IRAG1: variants seen among roughly 807,000 people sequenced by gnomAD.
The protein encoded by IRAG1 is inositol 1,4,5-triphosphate receptor associated 1.
A neutral mutation model predicts 106.2 loss-of-function variants in IRAG1; 62 were observed. The observed-to-expected ratio is 0.58, with a 90% CI of 0.48 to 0.72. IRAG1 has a LOEUF of 0.72. IRAG1 is among the 30% of genes least tolerant of loss of function. The pLI is 0.00. For synonymous variants in IRAG1, 462 were observed against 443.9 expected, an observed-to-expected ratio of 1.04 and a Z score of -0.51; for missense variants, 1,064 against 1,140.7, an observed-to-expected ratio of 0.93 and a Z score of 0.97.
intron 18 of IRAG1, among the ~76,000 whole-genome samples, chr11:10,585,568 T>C (rs915134067): frequency 6.6e-6 from 1 of 152,078 alleles, no homozygotes; most frequent in Admixed American, 6.5e-5. Context: ...TTAAATGAGA[T>C]GTTAGAACAG....
At chr11:10,680,372 G>GAAAGAAAGAAAGAAAGAAA (rs1564942533) in intron 1 of IRAG1, among the ~76,000 whole-genome samples, 360 of 41,118 alleles carry the variant, frequency 8.8e-3, no homozygotes, top group Non-Finnish European at 8.4e-3. Context: ...AAAGAAAGAA[G>GAAAGAAAGAAAGAAAGAAA]GAAGGAAGGA....
chr11:10,675,357 C>T (rs144508094), intron 1 of IRAG1, among the ~76,000 whole-genome samples: 1 of 152,198 alleles, frequency 6.6e-6, no homozygotes, highest in African/African-American at 2.4e-5. Flanking sequence ...CTGTGTGTCA[C>T]GTGCACTGCC....
At chr11:10,594,315 G>A (rs1288146676) in intron 15 of IRAG1, 120 bp from the exon 16 acceptor site, 2 of 891,378 alleles carry the variant, frequency 2.2e-6, no homozygotes, top group Non-Finnish European at 3.5e-6. Context: ...GATAGCCCAA[G>A]GGTCTGGGTG....
At chr11:10,687,694 G>T in intron 1 of IRAG1, 1 of 1,288,290 alleles carries the variant, frequency 7.8e-7, no homozygotes, top group African/African-American at 1.5e-5. Flanking sequence ...TCTCCTTGCG[G>T]TGTTTTTGGA....
At chr11:10,620,467 C>T (rs549349280) in intron 10 of IRAG1, among the ~76,000 whole-genome samples, 73 of 152,174 alleles carry the variant, frequency 4.8e-4, no homozygotes, top group African/African-American at 1.7e-3. Flanking sequence ...CAACGAAAAA[C>T]CCCAGACCTA....
intron 15 of IRAG1, chr11:10,599,672 G>A (rs1403670847): frequency 1.3e-5 from 2 of 152,156 alleles, no homozygotes; most frequent in African/African-American, 2.4e-5. Flanking sequence ...TTGGTAACAC[G>A]GATGTTTGCA....
intron 15 of IRAG1, among the ~76,000 whole-genome samples, 195 bp from the exon 16 acceptor site, chr11:10,594,390 G>C (rs1853037291): frequency 6.6e-6 from 1 of 152,056 alleles, no homozygotes; most frequent in South Asian, 2.1e-4. Context: ...GCTTTTTTTG[G>C]ACAAAACCTT....
chr11:10,629,587 C>A lies in IRAG1; in HGVS notation c.525G>T (p.Leu175=), dbSNP rs112262864. 19 of 1,613,954 alleles carry A rather than the reference C, an allele frequency of 1.2e-5. No individual in the cohort carries two copies. Among genetic ancestry groups the A allele is most frequent in the Non-Finnish European group, 1.6e-5 (19 of 1,179,848 alleles). The part of the protein sequence containing the change: ...EEAKLVSERF[L]TRRGRKSRSS... ...TCCTGGACTTCCTCCCACGGCGGGT[C>A]AGGAATCGCTCACTCACCAACTTGG... Residue 175 remains leucine (L), a synonymous_variant, in exon 5 of 21, where the codon CTG becomes CTT. Coordinates refer to ENST00000423302, the MANE Select transcript of IRAG1 (RefSeq NM_130385.4).
At chr11:10,656,730 A>C (rs546693693) in intron 1 of IRAG1, among the ~76,000 whole-genome samples, 1 of 152,340 alleles carries the variant, frequency 6.6e-6, no homozygotes, top group East Asian at 1.9e-4. Context: ...CAACCTGCTC[A>C]AGATCACACA....
At chr11:10,634,877 A>G (rs780026108) in intron 2 of IRAG1, among the ~76,000 whole-genome samples, 2 of 151,846 alleles carry the variant, frequency 1.3e-5, no homozygotes, top group African/African-American at 4.8e-5. Flanking sequence ...TACCTTGTCT[A>G]TTGTGAATAG....
chr11:10,600,246 G>A (rs17319974), intron 15 of IRAG1, among the ~76,000 whole-genome samples: 3,288 of 152,218 alleles, frequency 0.022, 53 homozygotes, highest in Non-Finnish European at 0.034. Flanking sequence ...ATAGCAATTC[G>A]TATAGAACTT....
intron 1 of IRAG1, among the ~76,000 whole-genome samples, chr11:10,666,270 C>A (rs1390340686): frequency 6.6e-6 from 1 of 152,166 alleles, no homozygotes; most frequent in Admixed American, 6.5e-5. Flanking sequence ...TTACAACAGC[C>A]CTGCATGGTA....
intron 10 of IRAG1, among the ~76,000 whole-genome samples, chr11:10,617,493 A>G (rs1290668290): frequency 2.0e-5 from 3 of 152,214 alleles, no homozygotes; most frequent in Non-Finnish European, 4.4e-5. Flanking sequence ...TTGGTTTCTG[A>G]AAGTACAAAG....
At chr11:10,625,873 G>A in intron 9 of IRAG1, 93 bp downstream of exon 9, 1 of 1,253,240 alleles carries the variant, frequency 8.0e-7, no homozygotes, top group East Asian at 3.0e-5. Context: ...GGCCAGAGCT[G>A]CCCTGGCCAG....
intron 2 of IRAG1, among the ~76,000 whole-genome samples, chr11:10,637,573 G>A (rs1256738934): frequency 1.3e-5 from 2 of 152,112 alleles, no homozygotes; most frequent in African/African-American, 2.4e-5. Context: ...AAGAAATGAC[G>A]AATGTGTATG....
chr11:10,676,366 T>C (rs1433156143), intron 1 of IRAG1, among the ~76,000 whole-genome samples: 1 of 152,186 alleles, frequency 6.6e-6, no homozygotes, highest in Non-Finnish European at 1.5e-5. Flanking sequence ...GCCCATGCGG[T>C]CCCCAGTCCC....
chr11:10,684,501 A>C (rs1025668846), intron 1 of IRAG1, among the ~76,000 whole-genome samples: 2 of 151,830 alleles, frequency 1.3e-5, no homozygotes, highest in Admixed American at 6.6e-5. Context: ...AGATATACCT[A>C]ATGCTAAATG....
chr11:10,689,466 A>G lies in IRAG1; in HGVS notation c.67+4070T>C, dbSNP rs561096995. Among the ~76,000 whole-genome samples, 97 of 152,360 alleles carry G rather than the reference A, an allele frequency of 6.4e-4. 1 individual carries two copies. In the South Asian group the frequency reaches 0.019, roughly 30 times the overall value. ...GTGTTTAAGGCTGGGTCAGTATCCC[A>G]CATACGATCATCTTGCAGAACAAGC... On this transcript the variant is annotated intron_variant, in intron 1 of 20. Transcript: ENST00000423302.
chr11:10,685,701 G>A (rs1861615637), intron 1 of IRAG1, among the ~76,000 whole-genome samples: 1 of 148,350 alleles, frequency 6.7e-6, no homozygotes, highest in Non-Finnish European at 1.5e-5. Context: ...CAGCCCAGGG[G>A]TCAGAGTGAG....
Sources: gnomAD v4.1 joint callset for allele counts (sites outside exome capture counted in the v4.1 genomes callset) on GRCh38, gnomAD v4.1.1 for gene constraint, MANE v1.5 for transcripts, NCBI Gene and HGNC (gene_info 2026-07-23, HGNC 2026-07-21) for gene names.